CAPZA2: variants seen among roughly 807,000 people sequenced by gnomAD.
CAPZA2 encodes the protein F-actin-capping protein subunit alpha-2.
Under a neutral mutation model 44.0 loss-of-function variants are expected in CAPZA2, and 13 were observed. The ratio of observed to expected loss-of-function variants is 0.30; its 90% CI spans 0.19 to 0.47. The LOEUF (loss-of-function observed/expected upper bound fraction) is 0.47, where lower values mean the gene tolerates loss of function less well. Ranked by LOEUF, CAPZA2 falls within the 20% of genes least tolerant of loss-of-function variation. The pLI is 1.00. For missense variants in CAPZA2, 244 were observed against 338.6 expected, an observed-to-expected ratio of 0.72 and a Z score of 2.19; for synonymous variants, 94 against 108.2, an observed-to-expected ratio of 0.87 and a Z score of 0.81.
intron 2 of CAPZA2, among the ~76,000 whole-genome samples, chr7:116,892,163 CTATG>C (rs1796854012): frequency 6.6e-6 from 1 of 152,090 alleles, no homozygotes; most frequent in African/African-American, 2.4e-5. Flanking sequence ...GTTTCACACT[CTATG>C]TAAGAATTAT....
chr7:116,893,937 G>A (rs1751732243), intron 3 of CAPZA2, among the ~76,000 whole-genome samples: 1 of 152,176 alleles, frequency 6.6e-6, no homozygotes, highest in Admixed American at 6.5e-5. Flanking sequence ...AAGGTCTAGA[G>A]ACTGTTATTT....
Position 116,904,159 on chromosome 7 carries a change from T to A in CAPZA2, c.220-18T>A. The stretch of plus-strand genomic sequence containing the variant: ...GCTGTTTTTTTATTTTTTTTCTAAA[T>A]TCATTCCATCATCAAAGGTATTGAT... On this transcript the variant is annotated intron_variant, in intron 4 of 9. Coordinates refer to ENST00000361183, the MANE Select transcript of CAPZA2 (RefSeq NM_006136.3). The A allele has an allele frequency of 6.6e-7, 1 of 1,509,058 alleles. No individual in the cohort carries two copies. Among genetic ancestry groups the A allele is most frequent in the Non-Finnish European group, 9.1e-7 (1 of 1,096,268 alleles). 93.5% of individuals were successfully genotyped at this position (1,509,058 alleles called of 1,614,324 possible).
intron 3 of CAPZA2, among the ~76,000 whole-genome samples, chr7:116,894,632 A>T (rs1209294638): frequency 1.3e-5 from 2 of 152,196 alleles, no homozygotes; most frequent in Non-Finnish European, 2.9e-5. Context: ...CATAGCCACC[A>T]TCCATTTTCA....
At chr7:116,906,093 A>C (rs957561308) in intron 5 of CAPZA2, among the ~76,000 whole-genome samples, 170 bp from the exon 6 acceptor site, 1 of 152,190 alleles carries the variant, frequency 6.6e-6, no homozygotes, top group Non-Finnish European at 1.5e-5. Context: ...GATTACGCAT[A>C]AATATTTGAG....
At chr7:116,885,058 A>C (rs904946145) in intron 1 of CAPZA2, among the ~76,000 whole-genome samples, 3 of 152,144 alleles carry the variant, frequency 2.0e-5, no homozygotes, top group South Asian at 2.1e-4. Context: ...CGAAGTGTCT[A>C]TTCAAGTCCT....
At chr7:116,896,029 AG>A (rs1258553437) in intron 3 of CAPZA2, among the ~76,000 whole-genome samples, 26 of 152,166 alleles carry the variant, frequency 1.7e-4, no homozygotes, top group African/African-American at 5.1e-4. Context: ...CAGTTTCACT[AG>A]GGTAAGTGTA....
Position 116,898,824 on chromosome 7 carries a change from T to C in CAPZA2, c.208T>C (p.Tyr70His). 6.3e-7 allele frequency: 1 copy of C among 1,587,450 alleles called. No homozygotes were observed. The highest frequency in any genetic ancestry group is 1.3e-5 in the African/African-American group (1 of 74,512). ...DQFTPVKIEG[Y>H]EDQVLITEHG... Reference sequence around the variant, plus strand: ...GTTTACTCCAGTAAAAATTGAAGGTTATGAAGATCAGGTATGTTTCATATA... The same window carrying C: ...GTTTACTCCAGTAAAAATTGAAGGTCATGAAGATCAGGTATGTTTCATATA... The change falls in exon 4 of 10, where the codon TAT becomes CAT. Residue 70 changes from tyrosine (Y) to histidine (H), a missense_variant. Tyr to His is a moderately conservative substitution (Grantham distance 83). Transcript: ENST00000361183.
At chr7:116,890,872 CCA>C (rs1249728190) in intron 2 of CAPZA2, among the ~76,000 whole-genome samples, 1 of 146,650 alleles carries the variant, frequency 6.8e-6, no homozygotes, top group Non-Finnish European at 1.5e-5. Context: ...TTATTGAAAA[CCA>C]CAGTGTCAGA....
chr7:116,870,321 G>A (rs192842397), intron 1 of CAPZA2, among the ~76,000 whole-genome samples: 79 of 152,332 alleles, frequency 5.2e-4, no homozygotes, highest in Middle Eastern at 3.4e-3. Context: ...GCTCATACCA[G>A]AGAGCACAAC....
intron 8 of CAPZA2, chr7:116,915,446 T>C (rs1392746717): frequency 6.6e-6 from 1 of 152,252 alleles, no homozygotes; most frequent in African/African-American, 2.4e-5. Flanking sequence ...TTTTACTCTA[T>C]CTTAGGAGGT....
intron 1 of CAPZA2, 47 bp downstream of exon 1, chr7:116,862,697 G>A: frequency 6.7e-7 from 1 of 1,502,416 alleles, no homozygotes. Context: ...AGCCGGCTCA[G>A]CCCGGGCGGG....
chr7:116,891,387 C>T (rs1796844488), intron 2 of CAPZA2, among the ~76,000 whole-genome samples: 1 of 152,162 alleles, frequency 6.6e-6, no homozygotes, highest in Admixed American at 6.5e-5. Flanking sequence ...ATAAAAATAA[C>T]AGTAATTATA....
chr7:116,862,867 C>G (rs182619263), intron 1 of CAPZA2, among the ~76,000 whole-genome samples: 1 of 151,840 alleles, frequency 6.6e-6, no homozygotes, highest in Non-Finnish European at 1.5e-5. Context: ...GCTCGCTCCG[C>G]TCCTTGTAGG....
At chr7:116,892,608 A>G (rs1281862026) in intron 2 of CAPZA2, among the ~76,000 whole-genome samples, 3 of 152,072 alleles carry the variant, frequency 2.0e-5, no homozygotes, top group African/African-American at 4.8e-5. Context: ...GTCTTGGGCC[A>G]CACATAAAAT....
intron 1 of CAPZA2, among the ~76,000 whole-genome samples, chr7:116,884,699 C>T (rs1456146682): frequency 6.6e-6 from 1 of 151,988 alleles, no homozygotes; most frequent in Non-Finnish European, 1.5e-5. Flanking sequence ...AGATTATTTC[C>T]AGTTTTGAGC....
At chr7:116,867,996 A>G (rs1165355965) in intron 1 of CAPZA2, among the ~76,000 whole-genome samples, 1 of 152,214 alleles carries the variant, frequency 6.6e-6, no homozygotes, top group Non-Finnish European at 1.5e-5. Flanking sequence ...TTGTAAGTCT[A>G]AATGGGCTTG....
At chr7:116,880,187 C>CCATAGATGCCATA (rs1796673713) in intron 1 of CAPZA2, 1 of 444,594 alleles carries the variant, frequency 2.2e-6, no homozygotes, top group Non-Finnish European at 4.5e-6. Context: ...CAAAAAAGTA[C>CCATAGATGCCATA]TCATTTGTCT....
At chr7:116,869,904 C>G (rs1290555241) in intron 1 of CAPZA2, among the ~76,000 whole-genome samples, 1 of 152,150 alleles carries the variant, frequency 6.6e-6, no homozygotes, top group African/African-American at 2.4e-5. Context: ...GAGTGTTACT[C>G]TGTCACCTAG....
intron 2 of CAPZA2, among the ~76,000 whole-genome samples, chr7:116,892,629 T>C (rs1032162281): frequency 3.3e-5 from 5 of 151,580 alleles, no homozygotes; most frequent in African/African-American, 1.2e-4. Flanking sequence ...ACACTAACAA[T>C]AGCTGATGAG....
Sources: allele counts gnomAD v4.1 joint callset (sites outside exome capture counted in the v4.1 genomes callset), GRCh38; gene constraint gnomAD v4.1.1; transcripts MANE v1.5; gene names NCBI Gene and HGNC (gene_info 2026-07-23, HGNC 2026-07-21).